Variants in STARD13 observed in about 807,000 individuals in gnomAD.
The protein encoded by STARD13 is StAR related lipid transfer domain containing 13.
A neutral mutation model predicts 106.4 loss-of-function variants in STARD13; 62 were observed. That is an observed-to-expected ratio of 0.58 (90% confidence interval 0.48 to 0.72). The LOEUF (loss-of-function observed/expected upper bound fraction) is 0.72, where lower values mean the gene tolerates loss of function less well. STARD13 is among the 30% of genes least tolerant of loss of function. The pLI is 0.00. For synonymous variants in STARD13, 565 were observed against 553.0 expected (o/e 1.02, Z -0.31); for missense variants, 1,387 against 1,424.0 (o/e 0.97, Z 0.42).
chr13:33,182,385 C>T (rs987505468), intron 1 of STARD13, among the ~76,000 whole-genome samples: 1 of 152,154 alleles, frequency 6.6e-6, no homozygotes, highest in Non-Finnish European at 1.5e-5. Context: ...CTCTTCCAGT[C>T]CCCATATTCT....
the STARD13 span, chr13:33,658,115 T>C: frequency 1.3e-5 from 2 of 152,372 alleles, no homozygotes; most frequent in South Asian, 4.1e-4. Context: ...CCTGTCTCTC[T>C]GAATTGGATG....
chr13:33,367,136 T>C, the STARD13 span, among the ~76,000 whole-genome samples: 2 of 152,218 alleles, frequency 1.3e-5, no homozygotes, highest in African/African-American at 2.4e-5. Flanking sequence ...GCTATGGAGA[T>C]AATATATCAA....
At chr13:33,638,381 T>C in the STARD13 span, among the ~76,000 whole-genome samples, 7 of 152,312 alleles carry the variant, frequency 4.6e-5, no homozygotes, top group Non-Finnish European at 8.8e-5. Context: ...ACATGTAAGA[T>C]ATACACTGGT....
At chr13:33,436,801 ATC>A in the STARD13 span, among the ~76,000 whole-genome samples, 1 of 152,236 alleles carries the variant, frequency 6.6e-6, no homozygotes, top group African/African-American at 2.4e-5. Flanking sequence ...TTCTGCTGGA[ATC>A]TCTTTTACTT....
At chr13:33,164,403 A>T (rs973395628) in intron 3 of STARD13, 2 of 152,182 alleles carry the variant, frequency 1.3e-5, no homozygotes, top group African/African-American at 4.8e-5. Context: ...TACCTTATTT[A>T]TGTCAAATGC....
chr13:33,636,677 T>C, the STARD13 span, among the ~76,000 whole-genome samples: 1 of 152,224 alleles, frequency 6.6e-6, no homozygotes, highest in Non-Finnish European at 1.5e-5. Context: ...TGCTATTTTA[T>C]CTTATACTTG....
Position 33,285,470 on chromosome 13 carries a change from C to G in STARD13, c.169G>C (p.Glu57Gln). The change falls in exon 1 of 14, where the codon GAA becomes CAA. Residue 57 changes from glutamate to glutamine, a missense_variant and splice_region_variant. Physicochemically the swap from Glu to Gln is conservative, Grantham distance 29. Coordinates refer to ENST00000336934, the MANE Select transcript of STARD13 (RefSeq NM_178006.4). ...RHQLVTKIQQ[E>Q]IEAKEACDWL... The stretch of plus-strand genomic sequence containing the variant: ...CAGCCTTCCACTGCCGGCCACTCAC[C>G]TTGTTGAATTTTAGTCACTAGCTGA... 1 of 1,612,370 alleles carries G rather than the reference C, an allele frequency of 6.2e-7. No individual in the cohort carries two copies. The highest frequency in any genetic ancestry group is 8.5e-7 in the Non-Finnish European group (1 of 1,178,762).
intron 8 of STARD13, 90 bp from the exon 9 acceptor site, chr13:33,113,021 G>A (rs974891899): frequency 3.2e-6 from 3 of 933,102 alleles, no homozygotes; most frequent in Non-Finnish European, 4.8e-6. Flanking sequence ...TTCCTCGTGT[G>A]AACACGCACC....
intron 3 of STARD13, among the ~76,000 whole-genome samples, chr13:33,149,464 T>C (rs1413570353): frequency 6.6e-6 from 1 of 152,236 alleles, no homozygotes; most frequent in Non-Finnish European, 1.5e-5. Flanking sequence ...TAAAATTATC[T>C]ATGTGTCTTC....
At chr13:33,515,047 G>A in the STARD13 span, among the ~76,000 whole-genome samples, 6 of 152,226 alleles carry the variant, frequency 3.9e-5, no homozygotes, top group African/African-American at 1.4e-4. Flanking sequence ...AGGAGGTGAT[G>A]TAGAGTAAAG....
chr13:33,266,490 G>A (rs144177698), intron 1 of STARD13, among the ~76,000 whole-genome samples: 61 of 152,250 alleles, frequency 4.0e-4, no homozygotes, highest in Non-Finnish European at 6.3e-4. Flanking sequence ...ACTGCAGTCT[G>A]GCCTCAAACT....
chr13:33,195,832 A>AG (rs1429741197), intron 1 of STARD13, among the ~76,000 whole-genome samples: 1 of 152,126 alleles, frequency 6.6e-6, no homozygotes, highest in Non-Finnish European at 1.5e-5. Context: ...AAACCCTCTG[A>AG]GCCTCAGTTT....
intron 1 of STARD13, among the ~76,000 whole-genome samples, chr13:33,340,974 C>T (rs1007634170): frequency 6.6e-6 from 1 of 152,136 alleles, no homozygotes; most frequent in African/African-American, 2.4e-5. Flanking sequence ...TTTCATGGCT[C>T]AATAAATACT....
the STARD13 span, among the ~76,000 whole-genome samples, chr13:33,612,608 C>T: frequency 2.6e-5 from 4 of 152,174 alleles, no homozygotes; most frequent in Admixed American, 6.5e-5. Flanking sequence ...TTCTTTTTCT[C>T]TTGTCTATTC....
intron 1 of STARD13, among the ~76,000 whole-genome samples, chr13:33,299,872 A>C (rs1172314340): frequency 6.6e-6 from 1 of 152,232 alleles, no homozygotes; most frequent in Non-Finnish European, 1.5e-5. Context: ...TGAACACAGT[A>C]ACTTGAAAGT....
At chr13:33,464,920 CG>C in the STARD13 span, among the ~76,000 whole-genome samples, 4 of 152,172 alleles carry the variant, frequency 2.6e-5, no homozygotes, top group African/African-American at 9.6e-5. Flanking sequence ...ACTGCCAGTC[CG>C]GCAGGAAAGT....
chr13:33,346,899 A>G (rs376366892), downstream of STARD13, among the ~76,000 whole-genome samples: 20 of 151,948 alleles, frequency 1.3e-4, no homozygotes, highest in African/African-American at 4.6e-4. Context: ...CAGCCTCCCA[A>G]AGTAGTAGGA....
At chr13:33,478,704 C>A in the STARD13 span, among the ~76,000 whole-genome samples, 1 of 151,940 alleles carries the variant, frequency 6.6e-6, no homozygotes, top group African/African-American at 2.4e-5. Flanking sequence ...TCACTTGAGC[C>A]CAGGTGTTTG....
the STARD13 span, among the ~76,000 whole-genome samples, chr13:33,487,800 A>G: frequency 6.6e-6 from 1 of 152,134 alleles, no homozygotes; most frequent in African/African-American, 2.4e-5. Flanking sequence ...AACTTCACCA[A>G]GCTTATACTT....
Sources: allele counts gnomAD v4.1 joint callset (sites outside exome capture counted in the v4.1 genomes callset), GRCh38; gene constraint gnomAD v4.1.1; transcripts MANE v1.5; gene names NCBI Gene and HGNC (gene_info 2026-07-23, HGNC 2026-07-21).